ABHD18: variants seen among roughly 807,000 people sequenced by gnomAD.
ABHD18 encodes cardiolipin-specific deacylase, mitochondrial.
A neutral mutation model predicts 65.9 loss-of-function variants in ABHD18; 55 were observed. The ratio of observed to expected loss-of-function variants is 0.84; its 90% CI spans 0.67 to 1.05. The LOEUF (loss-of-function observed/expected upper bound fraction) is 1.05. Ranked by LOEUF, ABHD18 falls within the 50% of genes least tolerant of loss-of-function variation. The probability of loss-of-function intolerance (pLI) is 0.00; values close to 1 mark genes in which losing one functional copy is unlikely to be tolerated. For missense variants in ABHD18, 533 were observed against 558.5 expected, an observed-to-expected ratio of 0.95 and a Z score of 0.46; for synonymous variants, 181 against 180.2, an observed-to-expected ratio of 1.00 and a Z score of -0.04.
Position 128,017,284 on chromosome 4 carries a change from G to A in ABHD18, c.471-79G>A, listed in dbSNP as rs531142604. On this transcript the variant is annotated intron_variant, in intron 7 of 12. Transcript: ENST00000645843. Reference sequence around the variant, plus strand: ...CCTTTAGAAGAGATGCATGAAGTCTGGCAGCCTGTTGTAAATTTGCATATA... The same window carrying A: ...CCTTTAGAAGAGATGCATGAAGTCTAGCAGCCTGTTGTAAATTTGCATATA... The A allele has an allele frequency of 1.3e-4, 178 of 1,362,686 alleles. 3 individuals carry two copies. In the South Asian group the frequency reaches 2.2e-3, roughly 17 times the overall value. 84.4% of individuals were successfully genotyped at this position (1,362,686 alleles called of 1,614,324 possible).
rs200952665 is a variant in ABHD18 at position 128,017,501 on chromosome 4, C to T, written c.609C>T (p.His203=). The T allele has an allele frequency of 9.4e-4, 1,505 of 1,594,506 alleles. 7 individuals are homozygous for T. The highest frequency in any genetic ancestry group is 1.4e-3 in the South Asian group (117 of 86,348). ...LGMTGISMGG[H]MASLAVSNWP... The stretch of plus-strand genomic sequence containing the variant: ...TGACTGGAATATCCATGGGAGGACA[C>T]GTAAGCCTTTTTATTTCTGCTTACA... The change falls in exon 8 of 13, where the codon CAC becomes CAT. Residue 203 remains histidine (H), a splice_region_variant and synonymous_variant. Transcript: ENST00000645843.
Position 127,965,595 on chromosome 4 carries a change from A to C in ABHD18, c.-29A>C, listed in dbSNP as rs1044113644. On this transcript the variant is annotated 5_prime_UTR_variant, in exon 1 of 13. Transcript: ENST00000645843. ...CCGGCCAGCTCGATCGCAGGCTTCC[A>C]CCTGGCGGCCAGTAAGTAGCCGGTC... 4.4e-6 allele frequency: 1 copy of C among 226,348 alleles called. No individual in the cohort carries two copies. Among genetic ancestry groups the C allele is most frequent in the African/African-American group, 2.3e-5 (1 of 43,454 alleles). 14.0% of individuals were successfully genotyped at this position (226,348 alleles called of 1,614,324 possible).
chr4:128,020,912 T>C (rs988288235), intron 9 of ABHD18, among the ~76,000 whole-genome samples: 3 of 152,018 alleles, frequency 2.0e-5, no homozygotes, highest in Non-Finnish European at 4.4e-5. Flanking sequence ...CACATGCCTG[T>C]AGTCTCAGCT....
At chr4:128,024,418 T>C (rs1296521268) in intron 10 of ABHD18, among the ~76,000 whole-genome samples, 1 of 152,146 alleles carries the variant, frequency 6.6e-6, no homozygotes, top group Non-Finnish European at 1.5e-5. Flanking sequence ...GGGGGACATA[T>C]TTAAACCATA....
intron 12 of ABHD18, among the ~76,000 whole-genome samples, chr4:128,033,970 T>G (rs1206116192): frequency 6.7e-6 from 1 of 148,492 alleles, no homozygotes. Flanking sequence ...TTTTTTTTTT[T>G]TTTTTTTGAG....
intron 3 of ABHD18, among the ~76,000 whole-genome samples, chr4:127,987,089 A>C (rs1039652835): frequency 1.3e-5 from 2 of 152,146 alleles, no homozygotes; most frequent in Non-Finnish European, 2.9e-5. Flanking sequence ...GCCGTGCCTC[A>C]CACCTGTAAT....
chr4:127,981,048 A>T (rs770596737), intron 1 of ABHD18, among the ~76,000 whole-genome samples: 7 of 152,098 alleles, frequency 4.6e-5, no homozygotes, highest in Non-Finnish European at 7.4e-5. Flanking sequence ...GGAACATAGT[A>T]ATGGGTAGAT....
At chr4:127,990,275 G>C (rs1160388016) in intron 4 of ABHD18, among the ~76,000 whole-genome samples, 1 of 152,094 alleles carries the variant, frequency 6.6e-6, no homozygotes, top group Non-Finnish European at 1.5e-5. Flanking sequence ...TAAATTTTTA[G>C]TTTTAGGTCA....
At chr4:128,015,926 G>A (rs1755398875) in intron 7 of ABHD18, among the ~76,000 whole-genome samples, 1 of 150,126 alleles carries the variant, frequency 6.7e-6, no homozygotes, top group Non-Finnish European at 1.5e-5. Context: ...ATGGTTCTAG[G>A]ACCCAAAAAG....
Position 128,017,444 on chromosome 4 carries a change from G to T in ABHD18, c.552G>T (p.Trp184Cys), listed in dbSNP as rs779395033. The T allele has an allele frequency of 6.2e-7, 1 of 1,613,612 alleles. No individual in the cohort carries two copies. ...LVLESAALLH[W>C]LEREGYGPLG... ...TAGAATCTGCAGCTCTCTTGCACTG[G>T]CTAGAGAGGGAAGGTTACGGCCCTT... The change falls in exon 8 of 13, where the codon TGG becomes TGT. Residue 184 changes from tryptophan (W) to cysteine (C), a missense_variant. Trp to Cys is a radical substitution (Grantham distance 215). Coordinates refer to ENST00000645843, the MANE Select transcript of ABHD18 (RefSeq NM_001358451.3).
chr4:127,997,128 T>C (rs1751876369), intron 4 of ABHD18, among the ~76,000 whole-genome samples: 1 of 152,270 alleles, frequency 6.6e-6, no homozygotes, highest in Non-Finnish European at 1.5e-5. Context: ...TCACAATTTA[T>C]GTTCAGAGAT....
At chr4:127,993,883 A>C (rs1393295821) in intron 4 of ABHD18, among the ~76,000 whole-genome samples, 1 of 152,216 alleles carries the variant, frequency 6.6e-6, no homozygotes, top group Non-Finnish European at 1.5e-5. Context: ...GTTGCTAAAC[A>C]TGGAATTTCT....
At chr4:128,021,034 C>CAA (rs398064025) in intron 9 of ABHD18, 103 bp from the exon 10 acceptor site, 3,436 of 444,458 alleles carry the variant, frequency 7.7e-3, no homozygotes, top group South Asian at 9.7e-3. Context: ...ACTTCGTCTG[C>CAA]AAAAAAAAAA....
intron 7 of ABHD18, among the ~76,000 whole-genome samples, chr4:128,013,064 C>CAAA (rs1199459823): frequency 3.5e-4 from 21 of 60,430 alleles, no homozygotes; most frequent in African/African-American, 3.8e-4. Context: ...GACTCCATCC[C>CAAA]AAAAAAAAAA....
chr4:128,033,055 C>T (rs1350035117), intron 12 of ABHD18, among the ~76,000 whole-genome samples: 1 of 152,126 alleles, frequency 6.6e-6, no homozygotes, highest in East Asian at 1.9e-4. Flanking sequence ...AGATCAAGAC[C>T]ATCCTGGCTA....
intron 1 of ABHD18, among the ~76,000 whole-genome samples, chr4:127,975,740 G>T (rs1747786783): frequency 1.3e-5 from 2 of 152,068 alleles, no homozygotes; most frequent in African/African-American, 4.8e-5. Flanking sequence ...ATGGCATATA[G>T]AATTTTTTTA....
Position 128,035,867 on chromosome 4 carries a change from TTCATCCTGTGA to T in ABHD18, c.*59_*69del. The T allele has an allele frequency of 8.7e-7, 1 of 1,146,382 alleles. No homozygotes were observed. The highest frequency in any genetic ancestry group is 2.6e-5 in the East Asian group (1 of 38,520). 71.0% of individuals were successfully genotyped at this position (1,146,382 alleles called of 1,614,324 possible). ...CATGATGTTTCTTACAAAAGGGAGC[TTCATCCTGTGA>T]TCATGTGAAGGACAAGCAGACAGCA... is the stretch of plus-strand genomic sequence containing the variant. On this transcript the variant is annotated 3_prime_UTR_variant, in exon 13 of 13. Coordinates refer to ENST00000645843, the MANE Select transcript of ABHD18 (RefSeq NM_001358451.3).
chr4:128,036,999 A>T lies in ABHD18; in HGVS notation c.*1186A>T, dbSNP rs1390694366. On this transcript the variant is annotated 3_prime_UTR_variant, in exon 13 of 13. Transcript: ENST00000645843. ...CCGGGCATTGTGGCGTGTGCCTGTA[A>T]TCCCAGCTACTCAGGAGGCTGAGGC... 6.6e-6 allele frequency: 1 copy of T among 151,568 alleles called. No homozygotes were observed. The highest frequency in any genetic ancestry group is 1.5e-5 in the Non-Finnish European group (1 of 68,100). The allele number at this position is 151,568 out of a possible 1,614,324, so 9.4% of individuals were successfully genotyped here.
chr4:127,988,253 CAG>C (rs572306062), intron 3 of ABHD18, among the ~76,000 whole-genome samples: 91 of 152,202 alleles, frequency 6.0e-4, no homozygotes, highest in African/African-American at 2.2e-3. Context: ...TGTTTTGAGA[CAG>C]AGTCTCACTC....
Sources: allele counts gnomAD v4.1 joint callset (sites outside exome capture counted in the v4.1 genomes callset), GRCh38; gene constraint gnomAD v4.1.1; transcripts MANE v1.5; gene names NCBI Gene and HGNC (gene_info 2026-07-23, HGNC 2026-07-21).